The following SLC49A4 variants were observed in gnomAD, a reference collection of about 807,000 sequenced individuals.
The protein encoded by SLC49A4 is solute carrier family 49 member 4, also known as disrupted in renal cancer protein 2.
SLC49A4 carries 36 observed loss-of-function variants against 50.6 expected under a neutral mutation model. The ratio of observed to expected loss-of-function variants is 0.71; its 90% CI spans 0.55 to 0.94. The LOEUF (loss-of-function observed/expected upper bound fraction) is 0.94. SLC49A4 is among the 40% of genes least tolerant of loss of function. The pLI is 0.00. For missense variants in SLC49A4, 503 were observed against 605.7 expected, an observed-to-expected ratio of 0.83 and a Z score of 1.78; for synonymous variants, 248 against 241.2, an observed-to-expected ratio of 1.03 and a Z score of -0.26.
intron 7 of SLC49A4, among the ~76,000 whole-genome samples, chr3:122,871,888 A>T (rs935385669): frequency 4.0e-5 from 6 of 151,604 alleles, no homozygotes; most frequent in African/African-American, 9.7e-5. Context: ...TTACTTATTT[A>T]AAAAAAATGT....
intron 4 of SLC49A4, 46 bp from the exon 5 acceptor site, chr3:122,845,717 A>G (rs995080813): frequency 1.7e-6 from 2 of 1,152,376 alleles, no homozygotes; most frequent in South Asian, 1.8e-5. Context: ...AGTTTATTCT[A>G]GATTTTTAAT....
At position 122,847,485 on chromosome 3, in the gene SLC49A4, CTG is replaced by C. The variant is rs774774534; in HGVS notation, c.942+1615_942+1616del. ...GCCTCAGCCTCCCGAGTAGCTGGGA[CTG>C]CAGGTGCCTCCCACACCCGGCTAAT... On this transcript the variant is annotated intron_variant, in intron 5 of 8. Transcript: ENST00000261038. Among the ~76,000 whole-genome samples the C allele has an allele frequency of 5.4e-3, 826 of 151,826 alleles. 4 individuals carry two copies. The highest frequency in any genetic ancestry group is 0.017 in the East Asian group (89 of 5,138).
chr3:122,841,005 C>T (rs949547606), intron 4 of SLC49A4, among the ~76,000 whole-genome samples: 2 of 152,166 alleles, frequency 1.3e-5, no homozygotes, highest in Non-Finnish European at 2.9e-5. Context: ...TTTACCATCT[C>T]TTGATCTAAA....
intron 6 of SLC49A4, 57 bp downstream of exon 6, chr3:122,856,431 A>T (rs1169941162): frequency 2.1e-6 from 3 of 1,444,958 alleles, no homozygotes; most frequent in Non-Finnish European, 2.9e-6. Context: ...AAGCCTAAAG[A>T]TAAATAGGCT....
At chr3:122,806,775 G>T in intron 1 of SLC49A4, 82 bp from the exon 2 acceptor site, 7 of 812,142 alleles carry the variant, frequency 8.6e-6, no homozygotes, top group Non-Finnish European at 1.3e-5. Context: ...ATGTCAGTAT[G>T]ATTGACTAAA....
At chr3:122,864,472 A>G (rs1487975970) in intron 7 of SLC49A4, among the ~76,000 whole-genome samples, 1 of 152,210 alleles carries the variant, frequency 6.6e-6, no homozygotes, top group Non-Finnish European at 1.5e-5. Context: ...ATTTTGAAAA[A>G]TGTTAGCACT....
intron 2 of SLC49A4, among the ~76,000 whole-genome samples, chr3:122,812,908 A>G (rs1347626941): frequency 6.6e-6 from 1 of 152,198 alleles, no homozygotes; most frequent in Non-Finnish European, 1.5e-5. Context: ...AAAGATTTGT[A>G]AGAAAAGATA....
At chr3:122,878,167 G>A (rs1937288478) in intron 8 of SLC49A4, among the ~76,000 whole-genome samples, 1 of 152,094 alleles carries the variant, frequency 6.6e-6, no homozygotes, top group African/African-American at 2.4e-5. Flanking sequence ...GACTTTTGAA[G>A]ATTAAGGCAG....
At chr3:122,828,529 T>C (rs752646708) in intron 3 of SLC49A4, among the ~76,000 whole-genome samples, 1 of 151,954 alleles carries the variant, frequency 6.6e-6, no homozygotes, top group Non-Finnish European at 1.5e-5. Flanking sequence ...GTGAGAGTAC[T>C]AGTAGGTGAA....
At chr3:122,807,736 T>G (rs1027271605) in intron 2 of SLC49A4, among the ~76,000 whole-genome samples, 2 of 152,132 alleles carry the variant, frequency 1.3e-5, no homozygotes, top group African/African-American at 4.8e-5. Flanking sequence ...CATAAATTAC[T>G]CAAGTTCGAG....
At chr3:122,826,415 C>G (rs561815134) in intron 2 of SLC49A4, among the ~76,000 whole-genome samples, 1 of 152,258 alleles carries the variant, frequency 6.6e-6, no homozygotes, top group South Asian at 2.1e-4. Flanking sequence ...GGGCAAGTTT[C>G]TTAATCTTTC....
In SLC49A4 at chr3:122,880,170, G is replaced by C. The variant is rs1216981972; in HGVS notation, c.*792G>C. 1 of 152,192 alleles carries C rather than the reference G, an allele frequency of 6.6e-6. No individual in the cohort carries two copies. Among genetic ancestry groups the C allele is most frequent in the Non-Finnish European group, 1.5e-5 (1 of 68,048 alleles). The allele number at this position is 152,192 out of a possible 1,614,324, so 9.4% of individuals were successfully genotyped here. ...CACTTTGTTACAAGTGAAATGACAA[G>C]TCACATGGACATACTGTGTCTTCTG... is the stretch of plus-strand genomic sequence containing the variant. On this transcript the variant is annotated 3_prime_UTR_variant, in exon 9 of 9. Coordinates refer to ENST00000261038, the MANE Select transcript of SLC49A4 (RefSeq NM_032839.3).
chr3:122,815,213 CTGAG>C (rs1936348399), intron 2 of SLC49A4, among the ~76,000 whole-genome samples: 1 of 152,122 alleles, frequency 6.6e-6, no homozygotes, highest in Admixed American at 6.5e-5. Flanking sequence ...CCTCAGCCTC[CTGAG>C]TAACTAGGAT....
intron 5 of SLC49A4, among the ~76,000 whole-genome samples, chr3:122,852,257 G>A (rs535250980): frequency 6.6e-6 from 1 of 152,280 alleles, no homozygotes; most frequent in Non-Finnish European, 1.5e-5. Context: ...TTCCCAAAGT[G>A]CTGGGATTAA....
At chr3:122,830,363 A>G (rs1318389389) in intron 3 of SLC49A4, among the ~76,000 whole-genome samples, 2 of 152,230 alleles carry the variant, frequency 1.3e-5, no homozygotes, top group Non-Finnish European at 2.9e-5. Context: ...ATCCAAAACA[A>G]TCTTGAAAAG....
At chr3:122,795,922 C>T (rs1451438952) in intron 1 of SLC49A4, among the ~76,000 whole-genome samples, 1 of 152,088 alleles carries the variant, frequency 6.6e-6, no homozygotes, top group Non-Finnish European at 1.5e-5. Flanking sequence ...GATGAAAGGT[C>T]GGAAAATAGA....
intron 2 of SLC49A4, among the ~76,000 whole-genome samples, chr3:122,817,579 T>C (rs1936389275): frequency 6.6e-6 from 1 of 151,718 alleles, no homozygotes; most frequent in Non-Finnish European, 1.5e-5. Context: ...TGTATTTTTA[T>C]TTATTTATTT....
chr3:122,853,787 G>T (rs1171886258), intron 5 of SLC49A4, among the ~76,000 whole-genome samples: 1 of 152,100 alleles, frequency 6.6e-6, no homozygotes, highest in African/African-American at 2.4e-5. Context: ...TATTGATTTG[G>T]CAGATCTGTG....
Position 122,827,057 on chromosome 3 carries a change from T to C in SLC49A4, c.695T>C (p.Leu232Ser). The C allele has an allele frequency of 6.3e-7, 1 of 1,599,472 alleles. No homozygotes were observed. The highest frequency in any genetic ancestry group is 8.6e-7 in the Non-Finnish European group (1 of 1,168,442). ...ATTAAAGATCGCATAGAGGCTGTGT[T>C]ATATGCAGGTAATTTGAAGTTTATT... ...AHIKDRIEAV[L>S]YAEFGVVCLI... is the part of the protein sequence containing the mutation. The change falls in exon 3 of 9, where the codon TTA becomes TCA. Residue 232 changes from leucine to serine, a missense_variant. Physicochemically the swap from Leu to Ser is moderately radical, Grantham distance 145. Coordinates refer to ENST00000261038, the MANE Select transcript of SLC49A4 (RefSeq NM_032839.3).
Sources: allele counts gnomAD v4.1 joint callset (sites outside exome capture counted in the v4.1 genomes callset), GRCh38; gene constraint gnomAD v4.1.1; transcripts MANE v1.5; gene names NCBI Gene and HGNC (gene_info 2026-07-23, HGNC 2026-07-21).